Variants in MACROD2 observed in about 807,000 individuals in gnomAD.
MACROD2 encodes ADP-ribose glycohydrolase MACROD2.
MACROD2 carries 36 observed loss-of-function variants against 70.4 expected under a neutral mutation model. That is an observed-to-expected ratio of 0.51 (90% CI 0.39 to 0.68). MACROD2 has a LOEUF of 0.68. MACROD2 is among the 30% of genes least tolerant of loss of function. The probability of loss-of-function intolerance (pLI) is 0.00; values close to 1 mark genes in which losing one functional copy is unlikely to be tolerated. For missense variants in MACROD2, 496 were observed against 538.4 expected (o/e 0.92, Z 0.78); for synonymous variants, 172 against 178.8 (o/e 0.96, Z 0.30).
At chr20:15,351,260 G>C (rs2078224058) in intron 6 of MACROD2, among the ~76,000 whole-genome samples, 1 of 152,168 alleles carries the variant, frequency 6.6e-6, no homozygotes, top group Non-Finnish European at 1.5e-5. Flanking sequence ...GGAGAGCAGA[G>C]AGGAAAAATA....
At chr20:14,363,758 A>G (rs934767074) in intron 3 of MACROD2, among the ~76,000 whole-genome samples, 4 of 139,450 alleles carry the variant, frequency 2.9e-5, no homozygotes, top group African/African-American at 1.1e-4. Context: ...CGGAGCTTGC[A>G]GTGAGCAGAC....
chr20:15,994,418 A>G (rs746538615), intron 15 of MACROD2, among the ~76,000 whole-genome samples: 1 of 152,212 alleles, frequency 6.6e-6, no homozygotes, highest in Non-Finnish European at 1.5e-5. Context: ...AACTCTTCGA[A>G]CAAGATGTAG....
chr20:15,764,297 A>G (rs976302194), intron 8 of MACROD2, among the ~76,000 whole-genome samples: 4 of 152,196 alleles, frequency 2.6e-5, no homozygotes, highest in Non-Finnish European at 4.4e-5. Flanking sequence ...ACTGTCACAT[A>G]TCATTAGCAA....
At chr20:14,066,080 CTTG>C (rs1285052705) in intron 2 of MACROD2, among the ~76,000 whole-genome samples, 1 of 151,824 alleles carries the variant, frequency 6.6e-6, no homozygotes, top group East Asian at 1.9e-4. Flanking sequence ...GCTTTGTTTC[CTTG>C]TTGTGTTTAG....
chr20:14,747,071 C>G (rs886365720), intron 5 of MACROD2, among the ~76,000 whole-genome samples: 3 of 152,142 alleles, frequency 2.0e-5, no homozygotes, highest in Non-Finnish European at 2.9e-5. Context: ...ATGTCCAGTC[C>G]TCATGCTGCT....
chr20:14,974,710 C>A (rs1228459185), intron 5 of MACROD2, among the ~76,000 whole-genome samples: 2 of 152,122 alleles, frequency 1.3e-5, no homozygotes, highest in East Asian at 3.9e-4. Context: ...GGAATACATA[C>A]CTTGACTTTA....
intron 5 of MACROD2, chr20:15,197,130 A>G (rs2076612993): frequency 6.1e-6 from 3 of 490,046 alleles, no homozygotes; most frequent in African/African-American, 2.1e-5. Flanking sequence ...CCTGTTCCCC[A>G]TATATGAGTG....
intron 6 of MACROD2, among the ~76,000 whole-genome samples, chr20:15,254,357 A>G (rs1304752833): frequency 2.6e-5 from 4 of 152,178 alleles, no homozygotes. Context: ...TGGATGTTCA[A>G]ATGCAGTGAC....
chr20:14,045,423 G>A (rs2053458835), intron 2 of MACROD2, among the ~76,000 whole-genome samples: 1 of 152,216 alleles, frequency 6.6e-6, no homozygotes, highest in African/African-American at 2.4e-5. Flanking sequence ...GTGACCATTA[G>A]CCTGCCTTCA....
chr20:15,012,461 A>G (rs561015890), intron 5 of MACROD2, among the ~76,000 whole-genome samples: 173 of 152,290 alleles, frequency 1.1e-3, no homozygotes, highest in Non-Finnish European at 2.3e-3. Flanking sequence ...GTGGGGGTCC[A>G]AGCCTGAAAA....
intron 5 of MACROD2, among the ~76,000 whole-genome samples, chr20:14,855,010 C>T (rs891239705): frequency 2.6e-5 from 4 of 151,188 alleles, no homozygotes; most frequent in Admixed American, 1.3e-4. Flanking sequence ...AATGAGACTC[C>T]GTCTCAAAAA....
At chr20:15,434,344 C>A (rs138110983) in intron 7 of MACROD2, among the ~76,000 whole-genome samples, 1 of 140,288 alleles carries the variant, frequency 7.1e-6, no homozygotes, top group Non-Finnish European at 1.6e-5. Context: ...AAAAAAAATC[C>A]CATAAAAAAT....
Position 14,244,328 on chromosome 20 carries a change from A to C in MACROD2, c.271+158600A>C, listed in dbSNP as rs1326651436. ...AGCTCAGACGCTGGAATGTTGGTCA[A>C]AATGAGGGGACTTGAAAGTGAACTT... On this transcript the variant is annotated intron_variant, in intron 3 of 17. Transcript: ENST00000684519. Among the ~76,000 whole-genome samples the C allele has an allele frequency of 2.0e-5, 3 of 152,188 alleles. No individual in the cohort carries two copies. In the East Asian group the frequency reaches 5.8e-4, roughly 29 times the overall value.
At chr20:14,321,583 C>G (rs1216465536) in intron 3 of MACROD2, among the ~76,000 whole-genome samples, 1 of 152,128 alleles carries the variant, frequency 6.6e-6, no homozygotes, top group African/African-American at 2.4e-5. Context: ...ATTTTAAATG[C>G]TGCTACCATT....
intron 3 of MACROD2, among the ~76,000 whole-genome samples, chr20:14,205,168 A>G (rs1029337416): frequency 5.3e-5 from 8 of 152,212 alleles, no homozygotes; most frequent in African/African-American, 1.7e-4. Context: ...TGCCCATAGA[A>G]GACATTATTT....
At chr20:14,543,809 A>G (rs1157940391) in intron 4 of MACROD2, among the ~76,000 whole-genome samples, 43 of 152,192 alleles carry the variant, frequency 2.8e-4, no homozygotes, top group Non-Finnish European at 2.9e-5. Context: ...TGTAGATAAT[A>G]CTTAGGGAAG....
At chr20:15,625,308 T>C (rs1019715618) in intron 8 of MACROD2, among the ~76,000 whole-genome samples, 8 of 152,186 alleles carry the variant, frequency 5.3e-5, no homozygotes, top group African/African-American at 1.7e-4. Flanking sequence ...CCAGGACATG[T>C]GGACTGTGGA....
intron 8 of MACROD2, among the ~76,000 whole-genome samples, chr20:15,845,577 A>G (rs1265352703): frequency 6.6e-6 from 1 of 152,098 alleles, no homozygotes; most frequent in Non-Finnish European, 1.5e-5. Context: ...AGAGACCACC[A>G]TGAATGGGAG....
At chr20:16,045,763 G>A (rs2067371195) in intron 17 of MACROD2, among the ~76,000 whole-genome samples, 1 of 152,030 alleles carries the variant, frequency 6.6e-6, no homozygotes, top group African/African-American at 2.4e-5. Flanking sequence ...GCCGTAGTTA[G>A]CTCACCCTGC....
Sources: gnomAD v4.1 joint callset for allele counts (sites outside exome capture counted in the v4.1 genomes callset) on GRCh38, gnomAD v4.1.1 for gene constraint, MANE v1.5 for transcripts, NCBI Gene and HGNC (gene_info 2026-07-23, HGNC 2026-07-21) for gene names.